Variants in GLB1L3 observed in about 807,000 individuals in gnomAD.
GLB1L3 encodes beta-galactosidase-1-like protein 3.
Under a neutral mutation model 89.5 loss-of-function variants are expected in GLB1L3, and 89 were observed. The ratio of observed to expected loss-of-function variants is 0.99; its 90% CI spans 0.84 to 1.19. The LOEUF (loss-of-function observed/expected upper bound fraction) is 1.19, where lower values mean the gene tolerates loss of function less well. Among genes scored for constraint, GLB1L3 ranks in the 50% most tolerant of loss-of-function variants. The probability of loss-of-function intolerance (pLI) is 0.00; values close to 1 mark genes in which losing one functional copy is unlikely to be tolerated. For missense variants in GLB1L3, 812 were observed against 813.3 expected (o/e 1.00, Z 0.02); for synonymous variants, 314 against 312.3 (o/e 1.01, Z -0.06).
At chr11:134,305,112 C>T in intron 9 of GLB1L3, 1 of 1,548,648 alleles carries the variant, frequency 6.5e-7, no homozygotes, top group Non-Finnish European at 8.7e-7. Context: ...TCTCTCCTCC[C>T]AGGGAGCCAG....
intron 9 of GLB1L3, 69 bp downstream of exon 9, chr11:134,293,278 G>T (rs1462466360): frequency 3.1e-6 from 4 of 1,291,396 alleles, no homozygotes; most frequent in Non-Finnish European, 3.3e-6. Context: ...TATGTAGCTG[G>T]TATTCCGTGA....
intron 9 of GLB1L3, chr11:134,305,134 G>T (rs1242949134): frequency 6.5e-7 from 1 of 1,538,154 alleles, no homozygotes; most frequent in African/African-American, 1.4e-5. Flanking sequence ...ATAGATGCAG[G>T]ACTGCTCTCA....
intron 6 of GLB1L3, among the ~76,000 whole-genome samples, chr11:134,288,539 C>T (rs976763398): frequency 6.6e-6 from 1 of 152,142 alleles, no homozygotes; most frequent in Non-Finnish European, 1.5e-5. Flanking sequence ...TTTGAGGGCT[C>T]AAATTTAAGT....
intron 9 of GLB1L3, among the ~76,000 whole-genome samples, chr11:134,305,549 G>T (rs983432628): frequency 1.3e-5 from 2 of 152,166 alleles, no homozygotes; most frequent in African/African-American, 2.4e-5. Context: ...GGAGGAGAAT[G>T]TCAAGCCCAC....
chr11:134,295,755 T>A (rs1941598853), intron 9 of GLB1L3, among the ~76,000 whole-genome samples: 1 of 152,196 alleles, frequency 6.6e-6, no homozygotes, highest in South Asian at 2.1e-4. Flanking sequence ...ATGCTGTAAA[T>A]TTCTCTGTAT....
At chr11:134,285,814 G>A (rs191123405) in intron 6 of GLB1L3, among the ~76,000 whole-genome samples, 1 of 151,938 alleles carries the variant, frequency 6.6e-6, no homozygotes, top group Non-Finnish European at 1.5e-5. Flanking sequence ...GGTAGTAGTA[G>A]GCTGATATCT....
chr11:134,305,169 TC>T (rs1458324636), intron 9 of GLB1L3: 47 of 1,279,928 alleles, frequency 3.7e-5, no homozygotes, highest in Non-Finnish European at 5.1e-5. Context: ...AGCAACTTCT[TC>T]CTCCTTATAG....
intron 9 of GLB1L3, among the ~76,000 whole-genome samples, chr11:134,304,660 A>G (rs1445858433): frequency 6.6e-6 from 1 of 151,978 alleles, no homozygotes; most frequent in East Asian, 1.9e-4. Context: ...AATCTTTGTT[A>G]GGTAATATTT....
chr11:134,294,797 G>A (rs1287707421), intron 9 of GLB1L3, among the ~76,000 whole-genome samples: 2 of 152,162 alleles, frequency 1.3e-5, no homozygotes, highest in Admixed American at 1.3e-4. Context: ...GTCCATTTAT[G>A]CATGTTGTAG....
intron 1 of GLB1L3, 109 bp from the exon 2 acceptor site, chr11:134,277,217 C>A (rs1274976398): frequency 4.9e-6 from 7 of 1,418,388 alleles, no homozygotes; most frequent in Non-Finnish European, 6.9e-6. Context: ...TGTCGCGGGC[C>A]CCCTCCCTGG....
intron 3 of GLB1L3, among the ~76,000 whole-genome samples, chr11:134,278,360 C>G (rs80184844): frequency 6.6e-6 from 1 of 152,014 alleles, no homozygotes; most frequent in Non-Finnish European, 1.5e-5. Context: ...TCTTAGCTCA[C>G]GGCAGCTTCT....
downstream of GLB1L3, among the ~76,000 whole-genome samples, chr11:134,323,524 G>A (rs935974567): frequency 6.6e-6 from 1 of 151,916 alleles, no homozygotes; most frequent in East Asian, 1.9e-4. Flanking sequence ...GCAGTGAGCC[G>A]AGATGGCACC....
intron 18 of GLB1L3, among the ~76,000 whole-genome samples, chr11:134,316,298 G>A (rs1409857405): frequency 2.0e-5 from 3 of 150,770 alleles, no homozygotes; most frequent in Non-Finnish European, 2.9e-5. Context: ...AATTCAGAAT[G>A]TACATAATTA....
intron 9 of GLB1L3, among the ~76,000 whole-genome samples, chr11:134,297,876 A>AAAAAAAAAAAAAAAAAG (rs1555077361): frequency 1.1e-4 from 12 of 110,838 alleles, no homozygotes; most frequent in Non-Finnish European, 1.6e-4. Context: ...AAAAAAAAAA[A>AAAAAAAAAAAAAAAAAG]AAAGAAAGAA....
At chr11:134,281,117 G>C (rs1421814945) in intron 3 of GLB1L3, among the ~76,000 whole-genome samples, 1 of 152,192 alleles carries the variant, frequency 6.6e-6, no homozygotes, top group Non-Finnish European at 1.5e-5. Flanking sequence ...ATAGGGCAGT[G>C]AGTGGAAGAA....
rs1942695260 is a variant in GLB1L3 at position 134,310,816 on chromosome 11, A to T, written c.1180+165A>T. On this transcript the variant is annotated intron_variant, in intron 12 of 19. Coordinates refer to ENST00000431683, the MANE Select transcript of GLB1L3 (RefSeq NM_001080407.3). ...GAACCCTGGGGTTAAAATCTGTGTG[A>T]TTTTTTAAAATCAGGGTTTCTAAGC... is the stretch of plus-strand genomic sequence containing the variant. 10 of 630,292 alleles carry T rather than the reference A, an allele frequency of 1.6e-5. No individual in the cohort carries two copies. In the East Asian group the frequency reaches 2.7e-4, roughly 17 times the overall value. 39.0% of individuals were successfully genotyped at this position (630,292 alleles called of 1,614,324 possible). A position where few individuals can be genotyped will look rare whatever the true frequency, so the allele number is the denominator to read the frequency against.
intron 8 of GLB1L3, chr11:134,292,865 C>G (rs1146193): frequency 0.44 from 228,015 of 514,480 alleles, 53,359 homozygotes; most frequent in Non-Finnish European, 0.49. Context: ...AGCCTGTGTC[C>G]CGTTTCCAGT....
chr11:134,313,013 G>C, intron 15 of GLB1L3, 126 bp downstream of exon 15: 1 of 749,448 alleles, frequency 1.3e-6, no homozygotes. Context: ...CTGGGGCGGC[G>C]GCAGGAAGTG....
chr11:134,276,616 C>A lies in GLB1L3; in HGVS notation c.-125C>A. 1 of 879,236 alleles carries A rather than the reference C, an allele frequency of 1.1e-6. No homozygotes were observed. The allele number at this position is 879,236 out of a possible 1,614,324, so 54.5% of individuals were successfully genotyped here. A position where few individuals can be genotyped will look rare whatever the true frequency, so the allele number is the denominator to read the frequency against. On this transcript the variant is annotated 5_prime_UTR_variant, in exon 1 of 20. Coordinates refer to ENST00000431683, the MANE Select transcript of GLB1L3 (RefSeq NM_001080407.3). ...GACGGATTTCTGCCTCGGCTGCAGG[C>A]GCAGCGCGCAGACCTGAGCCTGCCC...
Sources: allele counts gnomAD v4.1 joint callset (sites outside exome capture counted in the v4.1 genomes callset), GRCh38; gene constraint gnomAD v4.1.1; transcripts MANE v1.5; gene names NCBI Gene and HGNC (gene_info 2026-07-23, HGNC 2026-07-21).